PLCL2: variants seen among roughly 807,000 people sequenced by gnomAD.
The protein encoded by PLCL2 is phospholipase C like 2, also known as inactive phospholipase C-like protein 2.
In PLCL2, 4 loss-of-function variants were observed where a neutral mutation model predicts 79.6. The observed-to-expected ratio is 0.05, with a 90% CI of 0.02 to 0.11. PLCL2 has a LOEUF of 0.11. Among genes scored for constraint, PLCL2 ranks in the 10% least tolerant of loss-of-function variants. The probability of loss-of-function intolerance (pLI) is 1.00; values close to 1 mark genes in which losing one functional copy is unlikely to be tolerated. For synonymous variants in PLCL2, 484 were observed against 457.7 expected, an observed-to-expected ratio of 1.06 and a Z score of -0.73; for missense variants, 895 against 1,291.0, an observed-to-expected ratio of 0.69 and a Z score of 4.70.
At chr3:16,980,193 G>A (rs1481667454) in intron 1 of PLCL2, among the ~76,000 whole-genome samples, 2 of 125,278 alleles carry the variant, frequency 1.6e-5, no homozygotes, top group Admixed American at 1.5e-4. Flanking sequence ...CGGGCAGAGG[G>A]GCTCCTCACT....
rs1446512721 is a variant in PLCL2 at position 16,885,005 on chromosome 3, G to A, written c.-35G>A. On this transcript the variant is annotated 5_prime_UTR_variant, in exon 1 of 6. Coordinates refer to ENST00000615277, the MANE Select transcript of PLCL2 (RefSeq NM_001144382.2). The stretch of plus-strand genomic sequence containing the variant: ...GGCGGCGGGGACGCGGGGACGCGAG[G>A]ACGCGGCTTTGTGCAGGCGGGTCGC... 2 of 268,284 alleles carry A rather than the reference G, an allele frequency of 7.5e-6. No individual in the cohort carries two copies. The highest frequency in any genetic ancestry group is 1.1e-4 in the Admixed American group (2 of 18,380). 16.6% of individuals were successfully genotyped at this position (268,284 alleles called of 1,614,324 possible). A position where few individuals can be genotyped will look rare whatever the true frequency, so the allele number is the denominator to read the frequency against.
At chr3:17,041,462 G>A (rs563444716) in intron 3 of PLCL2, among the ~76,000 whole-genome samples, 1 of 152,248 alleles carries the variant, frequency 6.6e-6, no homozygotes, top group Admixed American at 6.5e-5. Context: ...AACTGTGCAA[G>A]TTGATAAATA....
intron 1 of PLCL2, among the ~76,000 whole-genome samples, chr3:17,007,313 A>T (rs1339476768): frequency 6.6e-6 from 1 of 152,222 alleles, no homozygotes; most frequent in Non-Finnish European, 1.5e-5. Context: ...TAAAGACGTC[A>T]TTCTGAAAAA....
chr3:16,991,381 A>G (rs1304840338), intron 1 of PLCL2, among the ~76,000 whole-genome samples: 1 of 152,208 alleles, frequency 6.6e-6, no homozygotes, highest in African/African-American at 2.4e-5. Context: ...TGGCTTGAAA[A>G]GCTGAGGTAT....
Position 17,016,293 on chromosome 3 carries a change from C to T in PLCL2, c.3018+1382C>T, listed in dbSNP as rs2064382509. 3.9e-5 allele frequency among the ~76,000 whole-genome samples: 6 copies of T among 152,196 alleles called. No individual in the cohort carries two copies. The South Asian group carries it at 1.2e-3, about 31-fold the overall frequency. ...CAGTGTTTTAAACAGCTTATGAGTT[C>T]ATTACCTTAAAAAAAGTGATATTTG... is the stretch of plus-strand genomic sequence containing the variant. On this transcript the variant is annotated intron_variant, in intron 3 of 5. Transcript: ENST00000615277.
intron 1 of PLCL2, among the ~76,000 whole-genome samples, chr3:16,978,608 C>T (rs911147116): frequency 6.6e-6 from 1 of 152,118 alleles, no homozygotes; most frequent in African/African-American, 2.4e-5. Context: ...AGGGAGATAA[C>T]TGTTCTAACT....
intron 1 of PLCL2, among the ~76,000 whole-genome samples, chr3:16,885,782 G>T (rs1575509267): frequency 6.6e-6 from 1 of 152,240 alleles, no homozygotes; most frequent in African/African-American, 2.4e-5. Context: ...GCGGCGAACA[G>T]AGGGTGAACA....
At chr3:16,941,594 A>G (rs2063547542) in intron 1 of PLCL2, among the ~76,000 whole-genome samples, 2 of 152,162 alleles carry the variant, frequency 1.3e-5, no homozygotes, top group Non-Finnish European at 2.9e-5. Context: ...TCGAAGCCTC[A>G]TGATGTTGAC....
intron 1 of PLCL2, among the ~76,000 whole-genome samples, chr3:16,917,737 A>G (rs767493946): frequency 2.6e-5 from 4 of 152,160 alleles, no homozygotes; most frequent in Non-Finnish European, 5.9e-5. Context: ...TAGAAGTTAC[A>G]CTGAGTCACT....
rs1185696293 is a variant in PLCL2 at position 17,009,215 on chromosome 3, C to G, written c.328-459C>G. Among the ~76,000 whole-genome samples the G allele has an allele frequency of 6.6e-6, 1 of 151,576 alleles. No homozygotes were observed. Among genetic ancestry groups the G allele is most frequent in the Non-Finnish European group, 1.5e-5 (1 of 67,944 alleles). The stretch of plus-strand genomic sequence containing the variant: ...GGCCAGGCTGGTCTCAAACTTCTGA[C>G]CTTGGGTGATCTGCCCCTTCTTGGC... On this transcript the variant is annotated intron_variant, in intron 1 of 5. Coordinates refer to ENST00000615277, the MANE Select transcript of PLCL2 (RefSeq NM_001144382.2). This position sits in a 1 kb window ranked among gnomAD's most constrained non-coding sequence, Gnocchi z 4.0.
At chr3:17,016,982 G>A (rs1217737942) in intron 3 of PLCL2, among the ~76,000 whole-genome samples, 1 of 152,162 alleles carries the variant, frequency 6.6e-6, no homozygotes, top group Non-Finnish European at 1.5e-5. Context: ...AACAGGGCAG[G>A]CCAAGTTCAG....
chr3:17,071,987 C>G (rs1235698497), intron 5 of PLCL2, among the ~76,000 whole-genome samples: 1 of 152,030 alleles, frequency 6.6e-6, no homozygotes, highest in Admixed American at 6.5e-5. Context: ...CCACCATGCC[C>G]AGCTAATTTT....
At chr3:16,996,312 G>A (rs971328183) in intron 1 of PLCL2, among the ~76,000 whole-genome samples, 3 of 152,002 alleles carry the variant, frequency 2.0e-5, no homozygotes, top group Non-Finnish European at 1.5e-5. Context: ...CCGTAGGCGA[G>A]ACTGACACCA....
intron 4 of PLCL2, among the ~76,000 whole-genome samples, chr3:17,050,681 C>T (rs1187241736): frequency 6.6e-6 from 1 of 152,120 alleles, no homozygotes; most frequent in Non-Finnish European, 1.5e-5. Context: ...AGGGAACCCT[C>T]ATACATTGTT....
In PLCL2 at chr3:16,891,174, G is replaced by C. The variant is rs148098883; in HGVS notation, c.327+5808G>C. Among the ~76,000 whole-genome samples, 796 of 152,350 alleles carry C rather than the reference G, an allele frequency of 5.2e-3. 7 individuals are homozygous for C. The highest frequency in any genetic ancestry group is 0.018 in the African/African-American group (761 of 41,582). ...TGGTGGGAACAATAGAAAGTCTGTAGTTAGGGGCTTGGATTAGATCCTGGC... is the reference window on the plus strand; with the variant it reads ...TGGTGGGAACAATAGAAAGTCTGTACTTAGGGGCTTGGATTAGATCCTGGC... On this transcript the variant is annotated intron_variant, in intron 1 of 5. Transcript: ENST00000615277.
chr3:17,011,506 G>A lies in PLCL2; in HGVS notation c.2160G>A (p.Gln720=). 6.2e-7 allele frequency: 1 copy of A among 1,614,180 alleles called. No individual in the cohort carries two copies. Reference sequence around the variant, plus strand: ...ACCTGAATATTGGCTGGTTTAGGCAGAACGGAAACTGTGGCTATGTCCTCC... The same window carrying A: ...ACCTGAATATTGGCTGGTTTAGGCAAAACGGAAACTGTGGCTATGTCCTCC... ...MMDLNIGWFR[Q]NGNCGYVLRP... is the part of the protein sequence containing the mutation. Residue 720 remains glutamine, a synonymous_variant, in exon 2 of 6, where the codon CAG becomes CAA. Coordinates refer to ENST00000615277, the MANE Select transcript of PLCL2 (RefSeq NM_001144382.2). This position sits in a 1 kb window ranked among gnomAD's most constrained non-coding sequence, Gnocchi z 7.9.
rs1023168741 is a variant in PLCL2 at position 17,034,964 on chromosome 3, C to T, written c.3019-7910C>T. ...AAATGTTTAGCATCCTTGTTCTTTTCCTGCCCTCGGACCACTCTTGCACCT... is the reference window on the plus strand; with the variant it reads ...AAATGTTTAGCATCCTTGTTCTTTTTCTGCCCTCGGACCACTCTTGCACCT... On this transcript the variant is annotated intron_variant, in intron 3 of 5. Transcript: ENST00000615277. Among the ~76,000 whole-genome samples, 6 of 152,178 alleles carry T rather than the reference C, an allele frequency of 3.9e-5. No individual in the cohort carries two copies. The South Asian group carries it at 1.2e-3, about 31-fold the overall frequency.
intron 4 of PLCL2, among the ~76,000 whole-genome samples, chr3:17,065,912 G>T (rs1351079899): frequency 6.6e-6 from 1 of 152,146 alleles, no homozygotes; most frequent in African/African-American, 2.4e-5. Flanking sequence ...AAGCCTCAGT[G>T]ATACTTATGA....
intron 1 of PLCL2, among the ~76,000 whole-genome samples, chr3:16,950,084 A>T (rs919650701): frequency 2.0e-5 from 3 of 152,116 alleles, no homozygotes; most frequent in Admixed American, 2.0e-4. Flanking sequence ...GTAGGACAAG[A>T]CCTTTGCTCT....
Sources: allele counts gnomAD v4.1 joint callset (sites outside exome capture counted in the v4.1 genomes callset), GRCh38; gene constraint gnomAD v4.1.1; non-coding constraint Gnocchi (gnomAD v3.1); transcripts MANE v1.5; gene names NCBI Gene and HGNC (gene_info 2026-07-23, HGNC 2026-07-21).